The following MYOCOS variants were observed in gnomAD, a reference collection of about 807,000 sequenced individuals.
MYOCOS encodes the protein myocilin opposite strand protein.
chr1:171,608,592 T>C (rs1035884460), intron 1 of MYOCOS, among the ~76,000 whole-genome samples: 1 of 151,774 alleles, frequency 6.6e-6, no homozygotes, highest in African/African-American at 2.4e-5. Flanking sequence ...TAGTTTTGTT[T>C]TTGTATTTTT....
At chr1:171,606,010 A>G (rs759361392) in intron 1 of MYOCOS, among the ~76,000 whole-genome samples, 4 of 152,234 alleles carry the variant, frequency 2.6e-5, no homozygotes, top group Non-Finnish European at 4.4e-5. Flanking sequence ...AGTTAAAGAC[A>G]TAGTTAAAAA....
intron 1 of MYOCOS, among the ~76,000 whole-genome samples, chr1:171,603,173 G>A (rs865780459): frequency 1.8e-4 from 27 of 152,166 alleles, no homozygotes; most frequent in Admixed American, 1.3e-4. Context: ...AGTTCACTTC[G>A]TGTCTCTCAT....
At position 171,623,971 on chromosome 1, in the gene MYOCOS, A is replaced by C. The variant is rs1009460331; in HGVS notation, c.88A>C (p.Ile30Leu). Residue 30 changes from isoleucine to leucine, a missense_variant, in exon 2 of 3, where the codon ATC becomes CTC. By Grantham distance (5) the Ile-to-Leu change is conservative (BLOSUM62 2). Transcript: ENST00000637642. ...GGTAACCAGGCGCCGAGTCACCATG[A>C]TCACAAGGTACCCAAAATCTTTCCT... ...SEVTRRRVTM[I>L]TRKEIITQKS... 7.5e-6 allele frequency: 3 copies of C among 398,498 alleles called. No individual in the cohort carries two copies. Among genetic ancestry groups the C allele is most frequent in the Non-Finnish European group, 1.3e-5 (3 of 226,076 alleles). The allele number at this position is 398,498 out of a possible 1,614,324, so 24.7% of individuals were successfully genotyped here.
At chr1:171,621,649 G>A (rs543278128), upstream of MYOCOS, among the ~76,000 whole-genome samples, 7 of 152,038 alleles carry the variant, frequency 4.6e-5, no homozygotes, top group South Asian at 4.2e-4. Flanking sequence ...TGTTGGGATT[G>A]CAGGCATGAG....
At chr1:171,615,468 C>T (rs1298552949) in intron 2 of MYOCOS, among the ~76,000 whole-genome samples, 1 of 152,190 alleles carries the variant, frequency 6.6e-6, no homozygotes, top group Non-Finnish European at 1.5e-5. Context: ...TTGTTTTATA[C>T]TCAGTACCTG....
At chr1:171,605,912 A>G (rs1170111867) in intron 1 of MYOCOS, among the ~76,000 whole-genome samples, 1 of 152,194 alleles carries the variant, frequency 6.6e-6, no homozygotes, top group Non-Finnish European at 1.5e-5. Flanking sequence ...AATGCTATCT[A>G]TCAAAATAGA....
chr1:171,622,283 T>C lies in MYOCOS; in HGVS notation c.-93T>C, dbSNP rs1000198993. ...TCCCCTGCTCTGCCCCCAAGACCCA[T>C]CCTCTCCCTGCGACATCTGTGGAGA... is the stretch of plus-strand genomic sequence containing the variant. On this transcript the variant is annotated 5_prime_UTR_variant, in exon 1 of 3. Coordinates refer to ENST00000637642, the MANE Select transcript of MYOCOS (RefSeq NM_001391940.1). The C allele has an allele frequency of 6.6e-6, 1 of 152,148 alleles. No homozygotes were observed. The highest frequency in any genetic ancestry group is 2.4e-5 in the African/African-American group (1 of 41,406). 9.4% of individuals were successfully genotyped at this position (152,148 alleles called of 1,614,324 possible).
intron 1 of MYOCOS, among the ~76,000 whole-genome samples, chr1:171,612,291 CT>C (rs1326170138): frequency 6.6e-6 from 1 of 151,574 alleles, no homozygotes. Context: ...GTTGGCCCGG[CT>C]GGTCTCGAAC....
At chr1:171,615,832 C>T (rs1300555081) in intron 2 of MYOCOS, among the ~76,000 whole-genome samples, 4 of 152,150 alleles carry the variant, frequency 2.6e-5, no homozygotes, top group African/African-American at 9.7e-5. Context: ...TGCCGATGCT[C>T]CCAGCTGAAT....
At chr1:171,626,076 T>G (rs1457971226) in intron 2 of MYOCOS, among the ~76,000 whole-genome samples, 1 of 152,118 alleles carries the variant, frequency 6.6e-6, no homozygotes, top group Admixed American at 6.6e-5. Flanking sequence ...GGGTATTTCT[T>G]TTGTTCCTTC....
At chr1:171,608,496 C>A (rs1196334968) in intron 1 of MYOCOS, among the ~76,000 whole-genome samples, 1 of 141,400 alleles carries the variant, frequency 7.1e-6, no homozygotes, top group Non-Finnish European at 1.5e-5. Context: ...CGGCTCCCTG[C>A]AAGCTCCGCC....
At chr1:171,624,536 A>C (rs1422710664) in intron 2 of MYOCOS, among the ~76,000 whole-genome samples, 4 of 151,880 alleles carry the variant, frequency 2.6e-5, no homozygotes. Context: ...TCCCGGGTTC[A>C]CGGCATTCTC....
intron 1 of MYOCOS, among the ~76,000 whole-genome samples, chr1:171,610,647 A>G (rs1219424436): frequency 6.6e-6 from 1 of 152,224 alleles, no homozygotes; most frequent in Non-Finnish European, 1.5e-5. Flanking sequence ...TGCAACAATG[A>G]CATTGATCCA....
chr1:171,609,066 A>T (rs555189733), intron 1 of MYOCOS, among the ~76,000 whole-genome samples: 56 of 152,318 alleles, frequency 3.7e-4, no homozygotes, highest in African/African-American at 1.3e-3. Flanking sequence ...GGTCTCAGCC[A>T]CAGCTGATGT....
At chr1:171,621,554 T>G (rs1159785817), upstream of MYOCOS, among the ~76,000 whole-genome samples, 1 of 151,948 alleles carries the variant, frequency 6.6e-6, no homozygotes, top group East Asian at 1.9e-4. Context: ...TTTTTGTATT[T>G]TTAGTAGAGA....
At chr1:171,619,678 A>G (rs943306253), upstream of MYOCOS, among the ~76,000 whole-genome samples, 5 of 151,990 alleles carry the variant, frequency 3.3e-5, no homozygotes, top group Non-Finnish European at 7.4e-5. Context: ...GTTGAACCCC[A>G]TCTCTACTAA....
intron 1 of MYOCOS, among the ~76,000 whole-genome samples, chr1:171,611,731 T>A (rs573007818): frequency 6.6e-6 from 1 of 152,248 alleles, no homozygotes; most frequent in Admixed American, 6.5e-5. Flanking sequence ...TATTCCTAAG[T>A]ATGGAATATG....
chr1:171,623,206 A>G (rs1652608390), intron 1 of MYOCOS, among the ~76,000 whole-genome samples: 1 of 152,086 alleles, frequency 6.6e-6, no homozygotes, highest in Admixed American at 6.5e-5. Context: ...CAAAAAGAAA[A>G]GGGGGTGGGG....
At chr1:171,625,168 C>T (rs1265265144) in intron 2 of MYOCOS, among the ~76,000 whole-genome samples, 4 of 152,134 alleles carry the variant, frequency 2.6e-5, no homozygotes, top group Non-Finnish European at 5.9e-5. Context: ...TTTGATACCA[C>T]GGGTTTAGAC....
Sources: allele counts gnomAD v4.1 joint callset (sites outside exome capture counted in the v4.1 genomes callset), GRCh38; gene constraint gnomAD v4.1.1; transcripts MANE v1.5; gene names NCBI Gene and HGNC (gene_info 2026-07-23, HGNC 2026-07-21).